NWD1: variants seen among roughly 807,000 people sequenced by gnomAD.
NWD1 encodes NACHT and WD repeat domain containing 1, also known as NACHT domain- and WD repeat-containing protein 1.
A neutral mutation model predicts 135.1 loss-of-function variants in NWD1; 129 were observed. The observed-to-expected ratio is 0.96, with a 90% CI of 0.83 to 1.11. The LOEUF is 1.11. NWD1 is among the 50% of genes least tolerant of loss of function. The pLI is 0.00. For missense variants in NWD1, 1,740 were observed against 1,851.3 expected (o/e 0.94, Z 1.10); for synonymous variants, 773 against 786.0 (o/e 0.98, Z 0.28).
intron 12 of NWD1, among the ~76,000 whole-genome samples, chr19:16,780,704 C>G (rs1265760234): frequency 1.3e-5 from 2 of 152,078 alleles, no homozygotes; most frequent in African/African-American, 4.8e-5. Context: ...GTTGCCCAAG[C>G]TGGAGTGCAG....
chr19:16,725,313 A>T (rs929581128), intron 2 of NWD1, among the ~76,000 whole-genome samples: 22 of 145,566 alleles, frequency 1.5e-4, no homozygotes, highest in Admixed American at 1.4e-4. Context: ...CTCTACACAA[A>T]TTTTTTTTTT....
chr19:16,802,029 T>C (rs1970617205), intron 17 of NWD1, among the ~76,000 whole-genome samples: 1 of 152,068 alleles, frequency 6.6e-6, no homozygotes, highest in Non-Finnish European at 1.5e-5. Flanking sequence ...CTCACGCCTG[T>C]AGTCCCAGCA....
At chr19:16,775,581 A>G (rs1464510113) in intron 11 of NWD1, among the ~76,000 whole-genome samples, 1 of 152,228 alleles carries the variant, frequency 6.6e-6, no homozygotes, top group Non-Finnish European at 1.5e-5. Context: ...TGGAAGCAGA[A>G]CTAAATATTT....
intron 15 of NWD1, among the ~76,000 whole-genome samples, chr19:16,795,235 T>C (rs1001398082): frequency 6.6e-6 from 1 of 152,162 alleles, no homozygotes; most frequent in Non-Finnish European, 1.5e-5. Flanking sequence ...ACTCAGCCCC[T>C]AGCAGGAGGG....
At chr19:16,760,077 C>A (rs113926338) in intron 7 of NWD1, among the ~76,000 whole-genome samples, 3 of 151,870 alleles carry the variant, frequency 2.0e-5, no homozygotes, top group African/African-American at 7.2e-5. Flanking sequence ...ATCACTTGAG[C>A]CCAGGAGTTT....
At chr19:16,726,950 G>C (rs1433851139) in intron 2 of NWD1, among the ~76,000 whole-genome samples, 7 of 152,126 alleles carry the variant, frequency 4.6e-5, no homozygotes, top group Non-Finnish European at 8.8e-5. Context: ...GAGAACTGCT[G>C]GTTGAAATAG....
intron 4 of NWD1, among the ~76,000 whole-genome samples, chr19:16,741,526 C>T (rs1035634312): frequency 1.3e-5 from 2 of 151,384 alleles, no homozygotes; most frequent in Admixed American, 6.6e-5. Context: ...CCACCATGCC[C>T]GGCTAATTAT....
At position 16,817,016 on chromosome 19, in the gene NWD1, A is replaced by T. The variant is rs1971084401; in HGVS notation, c.*1977A>T. 6.6e-6 allele frequency: 1 copy of T among 152,176 alleles called. No individual in the cohort carries two copies. Among genetic ancestry groups the T allele is most frequent in the South Asian group, 2.1e-4 (1 of 4,832 alleles). The allele number at this position is 152,176 out of a possible 1,614,324, so 9.4% of individuals were successfully genotyped here. A position where few individuals can be genotyped will look rare whatever the true frequency, so the allele number is the denominator to read the frequency against. The stretch of plus-strand genomic sequence containing the variant: ...AAAAATATTAAAAATAATGGCAAAA[A>T]CTGGCTGGGCACAGTGGCTCACACC... On this transcript the variant is annotated 3_prime_UTR_variant, in exon 19 of 19. Coordinates refer to ENST00000524140, the MANE Select transcript of NWD1 (RefSeq NM_001007525.5).
At chr19:16,790,007 C>G (rs1471032235) in intron 13 of NWD1, among the ~76,000 whole-genome samples, 1 of 152,178 alleles carries the variant, frequency 6.6e-6, no homozygotes, top group East Asian at 1.9e-4. Flanking sequence ...CCTGAGCCAT[C>G]ATGCCTAGCT....
At chr19:16,729,141 C>T (rs1337861921) in intron 2 of NWD1, among the ~76,000 whole-genome samples, 1 of 151,824 alleles carries the variant, frequency 6.6e-6, no homozygotes, top group Non-Finnish European at 1.5e-5. Flanking sequence ...GACTGAGAAC[C>T]CAACTTGATA....
rs113728633 is a variant in NWD1, at chr19:16,744,622, G to A, written c.400G>A (p.Glu134Lys). 6.5e-7 allele frequency: 1 copy of A among 1,535,028 alleles called. No homozygotes were observed. Among genetic ancestry groups the A allele is most frequent in the Admixed American group, 2.0e-5 (1 of 50,850 alleles). The change falls in exon 5 of 19, where the codon GAG becomes AAG. Residue 134 changes from glutamate to lysine, a missense_variant. By Grantham distance (56) the Glu-to-Lys change is moderately conservative. Transcript: ENST00000524140. Reference protein sequence around the residue: ...PGTGEACEPEEATLTSVLRSG... With the variant: ...PGTGEACEPEKATLTSVLRSG... Reference sequence around the variant, plus strand: ...TACTGGGGAGGCCTGTGAACCAGAGGAGGCCACCTTAACTTCTGTCCTACG... The same window carrying A: ...TACTGGGGAGGCCTGTGAACCAGAGAAGGCCACCTTAACTTCTGTCCTACG...
chr19:16,778,494 C>CTTCTT (rs200410922), intron 11 of NWD1, among the ~76,000 whole-genome samples: 4 of 107,562 alleles, frequency 3.7e-5, no homozygotes, highest in African/African-American at 1.4e-4. Flanking sequence ...TCTTCTTCTT[C>CTTCTT]TTTTTTTTTT....
intron 2 of NWD1, among the ~76,000 whole-genome samples, chr19:16,730,913 T>TTC (rs1165885645): frequency 7.5e-6 from 1 of 134,190 alleles, no homozygotes; most frequent in African/African-American, 3.3e-5. Flanking sequence ...CTTTCTTTCT[T>TTC]TTTTTTTTTT....
At chr19:16,764,365 A>G (rs811791) in intron 9 of NWD1, among the ~76,000 whole-genome samples, 5,331 of 52,546 alleles carry the variant, frequency 0.1, 210 homozygotes, top group African/African-American at 0.37. Flanking sequence ...TCTTCTGTCC[A>G]TCCATCCATC....
At chr19:16,774,601 TATCC>T (rs894399187) in intron 11 of NWD1, among the ~76,000 whole-genome samples, 1 of 150,908 alleles carries the variant, frequency 6.6e-6, no homozygotes, top group African/African-American at 2.4e-5. Context: ...TTCATTAATC[TATCC>T]ATCCATCCAT....
intron 6 of NWD1, among the ~76,000 whole-genome samples, chr19:16,750,904 A>G (rs1968551197): frequency 6.6e-6 from 1 of 151,398 alleles, no homozygotes; most frequent in African/African-American, 2.4e-5. Flanking sequence ...TGCTTAGCCT[A>G]GTAAAAGTCT....
At chr19:16,812,317 A>T (rs765518823) in intron 18 of NWD1, among the ~76,000 whole-genome samples, 1 of 151,768 alleles carries the variant, frequency 6.6e-6, no homozygotes, top group Non-Finnish European at 1.5e-5. Flanking sequence ...CAAAAACAAA[A>T]AAAAGGCCTG....
At chr19:16,778,494 CT>C (rs11307621) in intron 11 of NWD1, among the ~76,000 whole-genome samples, 77,310 of 108,292 alleles carry the variant, frequency 0.71, 26,353 homozygotes, top group South Asian at 0.81. Context: ...TCTTCTTCTT[CT>C]TTTTTTTTTT....
intron 2 of NWD1, among the ~76,000 whole-genome samples, chr19:16,728,033 C>T (rs1967399120): frequency 6.6e-6 from 1 of 151,890 alleles, no homozygotes; most frequent in South Asian, 2.1e-4. Flanking sequence ...AGCACTCCAG[C>T]CTGAGCAACA....
Sources: gnomAD v4.1 joint callset for allele counts (sites outside exome capture counted in the v4.1 genomes callset) on GRCh38, gnomAD v4.1.1 for gene constraint, MANE v1.5 for transcripts, NCBI Gene and HGNC (gene_info 2026-07-23, HGNC 2026-07-21) for gene names.